Variants in MSR1 observed in about 807,000 individuals in gnomAD.
The protein encoded by MSR1 is macrophage scavenger receptor types I and II.
Under a neutral mutation model 47.2 loss-of-function variants are expected in MSR1, and 53 were observed. That is an observed-to-expected ratio of 1.12 (90% CI 0.90 to 1.41). The LOEUF (loss-of-function observed/expected upper bound fraction) is 1.41, where lower values mean the gene tolerates loss of function less well. Ranked by LOEUF, MSR1 falls within the 40% of genes most tolerant of loss-of-function variation. The pLI, the probability that MSR1 is intolerant of heterozygous loss-of-function variation, is 0.00. For synonymous variants in MSR1, 239 were observed against 185.6 expected, an observed-to-expected ratio of 1.29 and a Z score of -2.34; for missense variants, 786 against 546.9, an observed-to-expected ratio of 1.44 and a Z score of -4.36.
At chr8:16,133,106 G>T (rs1800302312) in intron 8 of MSR1, among the ~76,000 whole-genome samples, 1 of 151,972 alleles carries the variant, frequency 6.6e-6, no homozygotes, top group Non-Finnish European at 1.5e-5. Context: ...AGTAAAATAT[G>T]GGGAGATTAA....
In MSR1 at chr8:16,190,984, G is replaced by C. The variant is rs146493443; in HGVS notation, c.-5+1614C>G. ...AATCCACCTGCCTTGGCCTCCCAAA[G>C]TGCTGGGATTACAGGCGTGAGCCAC... On this transcript the variant is annotated intron_variant, in intron 1 of 9. Transcript: ENST00000262101. Among the ~76,000 whole-genome samples, 896 of 152,268 alleles carry C rather than the reference G, an allele frequency of 5.9e-3. 26 individuals are homozygous for C. In the East Asian group the frequency reaches 0.099, roughly 17 times the overall value.
At chr8:16,111,275 T>G (rs1799750614) in intron 9 of MSR1, among the ~76,000 whole-genome samples, 1 of 152,184 alleles carries the variant, frequency 6.6e-6, no homozygotes, top group African/African-American at 2.4e-5. Flanking sequence ...GAAGCCGAAG[T>G]ACGAGACATT....
chr8:16,163,878 C>T (rs911668843), intron 5 of MSR1, among the ~76,000 whole-genome samples, 187 bp downstream of exon 5: 1 of 151,810 alleles, frequency 6.6e-6, no homozygotes, highest in Non-Finnish European at 1.5e-5. Flanking sequence ...TTAAGTGATA[C>T]CAGGCTACTG....
chr8:16,139,376 T>G lies in MSR1; in HGVS notation c.1033+4182A>C. On this transcript the variant is annotated intron_variant, in intron 8 of 9. Coordinates refer to ENST00000262101, the MANE Select transcript of MSR1 (RefSeq NM_138715.3). Reference sequence around the variant, plus strand: ...CATCTTCACACACACAATATCTTACTTGATCCTCACAACAACCCTGTGAGG... The same window carrying G: ...CATCTTCACACACACAATATCTTACGTGATCCTCACAACAACCCTGTGAGG... 4 of 937,818 alleles carry G rather than the reference T, an allele frequency of 4.3e-6. 1 individual carries two copies. The highest frequency in any genetic ancestry group is 5.1e-6 in the Non-Finnish European group (4 of 786,226). The allele number at this position is 937,818 out of a possible 1,614,324, so 58.1% of individuals were successfully genotyped here.
intron 9 of MSR1, among the ~76,000 whole-genome samples, chr8:16,117,209 C>G (rs1266686171): frequency 6.6e-6 from 1 of 152,108 alleles, no homozygotes; most frequent in African/African-American, 2.4e-5. Flanking sequence ...CACCTCCTGT[C>G]AGATCAGTGG....
chr8:16,163,116 T>C (rs1801206492), intron 5 of MSR1, among the ~76,000 whole-genome samples: 1 of 151,892 alleles, frequency 6.6e-6, no homozygotes, highest in East Asian at 1.9e-4. Flanking sequence ...AATAGAAATA[T>C]ACTACAAAGT....
chr8:16,187,804 C>G (rs1392269826), intron 1 of MSR1, among the ~76,000 whole-genome samples: 1 of 152,110 alleles, frequency 6.6e-6, no homozygotes, highest in Non-Finnish European at 1.5e-5. Flanking sequence ...CTCTGCACTG[C>G]ACGTAACTAG....
At chr8:16,162,072 A>G (rs1801178226) in intron 5 of MSR1, among the ~76,000 whole-genome samples, 1 of 152,084 alleles carries the variant, frequency 6.6e-6, no homozygotes, top group Non-Finnish European at 1.5e-5. Context: ...ACTGATAGAC[A>G]TAAATCCACT....
At chr8:16,119,769 G>T (rs529221237) in intron 9 of MSR1, among the ~76,000 whole-genome samples, 3 of 151,748 alleles carry the variant, frequency 2.0e-5, no homozygotes, top group African/African-American at 7.3e-5. Context: ...GTGCAGCAGC[G>T]TGACCATAGC....
At chr8:16,134,271 A>G (rs574992345) in intron 8 of MSR1, among the ~76,000 whole-genome samples, 1 of 152,280 alleles carries the variant, frequency 6.6e-6, no homozygotes, top group Non-Finnish European at 1.5e-5. Flanking sequence ...TTAGTGCATC[A>G]AATTAGATTC....
intron 3 of MSR1, among the ~76,000 whole-genome samples, chr8:16,169,780 T>C (rs1801428195): frequency 6.6e-6 from 1 of 152,062 alleles, no homozygotes; most frequent in African/African-American, 2.4e-5. Flanking sequence ...AGTATATGTA[T>C]GGATCTGCCA....
At chr8:16,189,338 T>C (rs1358562021) in intron 1 of MSR1, among the ~76,000 whole-genome samples, 25 of 128,344 alleles carry the variant, frequency 1.9e-4, no homozygotes, top group African/African-American at 4.0e-4. Flanking sequence ...TTCATATATA[T>C]ATAAAATCTT....
chr8:16,125,820 G>A (rs114946392), intron 8 of MSR1, among the ~76,000 whole-genome samples: 2,722 of 152,122 alleles, frequency 0.018, 79 homozygotes, highest in African/African-American at 0.062. Context: ...AGATTGAAGT[G>A]CTGTGGTGCA....
chr8:16,177,801 A>T, intron 2 of MSR1, 85 bp downstream of exon 2: 1 of 1,031,366 alleles, frequency 9.7e-7, no homozygotes, highest in Non-Finnish European at 1.5e-6. Flanking sequence ...ACTTACATTT[A>T]AGGTAAGTCT....
intron 8 of MSR1, among the ~76,000 whole-genome samples, chr8:16,122,642 G>A (rs1294970184): frequency 6.6e-6 from 1 of 151,748 alleles, no homozygotes; most frequent in Non-Finnish European, 1.5e-5. Flanking sequence ...GTTGGTCCAG[G>A]GACCACACTT....
At chr8:16,180,707 T>C in intron 1 of MSR1, among the ~76,000 whole-genome samples, 1 of 152,166 alleles carries the variant, frequency 6.6e-6, no homozygotes, top group Non-Finnish European at 1.5e-5. Flanking sequence ...TTCATCCCAC[T>C]GTGGGGAGAG....
chr8:16,147,647 T>G (rs1800737062), intron 7 of MSR1, among the ~76,000 whole-genome samples: 1 of 152,132 alleles, frequency 6.6e-6, no homozygotes, highest in Admixed American at 6.6e-5. Context: ...TATTTCTAAT[T>G]TTAGCACCTT....
At chr8:16,186,012 C>T in intron 1 of MSR1, 2 of 673,152 alleles carry the variant, frequency 3.0e-6, no homozygotes, top group Non-Finnish European at 4.9e-6. Flanking sequence ...AGTTCGTGGC[C>T]TGCAAGAAAT....
At chr8:16,183,128 C>G (rs974067861) in intron 1 of MSR1, among the ~76,000 whole-genome samples, 9 of 152,150 alleles carry the variant, frequency 5.9e-5, no homozygotes, top group Non-Finnish European at 2.9e-5. Context: ...TAGTGCATGT[C>G]TATAACCAGA....
Sources: gnomAD v4.1 joint callset for allele counts (sites outside exome capture counted in the v4.1 genomes callset) on GRCh38, gnomAD v4.1.1 for gene constraint, MANE v1.5 for transcripts, NCBI Gene and HGNC (gene_info 2026-07-23, HGNC 2026-07-21) for gene names.